Variants in GOLGA5 observed in about 807,000 individuals in gnomAD.
The protein encoded by GOLGA5 is golgin subfamily A member 5.
A neutral mutation model predicts 93.5 loss-of-function variants in GOLGA5; 50 were observed. The ratio of observed to expected loss-of-function variants is 0.53; its 90% CI spans 0.43 to 0.68. The LOEUF (loss-of-function observed/expected upper bound fraction) is 0.68. Among genes scored for constraint, GOLGA5 ranks in the 30% least tolerant of loss-of-function variants. The pLI is 0.00. For missense variants in GOLGA5, 760 were observed against 856.4 expected, an observed-to-expected ratio of 0.89 and a Z score of 1.40; for synonymous variants, 312 against 304.5, an observed-to-expected ratio of 1.02 and a Z score of -0.26.
intron 7 of GOLGA5, among the ~76,000 whole-genome samples, chr14:92,817,820 G>C (rs1173778847): frequency 1.3e-5 from 2 of 152,190 alleles, no homozygotes; most frequent in Admixed American, 6.5e-5. Context: ...CTTAACAGAT[G>C]CTGCTTCCAC....
rs186624279 is a variant in GOLGA5 at position 92,824,108 on chromosome 14, A to G, written c.1621-438A>G. ...TTTCTTTGTCTCATGTACTTTGCCT[A>G]TTTTTAAAATGTTCCTGGTTTGTGT... is the stretch of plus-strand genomic sequence containing the variant. On this transcript the variant is annotated intron_variant, in intron 8 of 12. Coordinates refer to ENST00000163416, the MANE Select transcript of GOLGA5 (RefSeq NM_005113.4). Among the ~76,000 whole-genome samples, 8 of 152,034 alleles carry G rather than the reference A, an allele frequency of 5.3e-5. No homozygotes were observed. In the East Asian group the frequency reaches 9.7e-4, roughly 18 times the overall value.
At chr14:92,831,600 C>T (rs1014622504) in intron 9 of GOLGA5, among the ~76,000 whole-genome samples, 4 of 152,004 alleles carry the variant, frequency 2.6e-5, no homozygotes, top group East Asian at 1.9e-4. Flanking sequence ...TGTCACAGTT[C>T]GTTTTTTGCT....
In GOLGA5 at chr14:92,839,598, C is replaced by T; in HGVS notation, c.*152C>T. 1 of 603,326 alleles carries T rather than the reference C, an allele frequency of 1.7e-6. No individual in the cohort carries two copies. Among genetic ancestry groups the T allele is most frequent in the Admixed American group, 3.0e-5 (1 of 33,864 alleles). 37.4% of individuals were successfully genotyped at this position (603,326 alleles called of 1,614,324 possible). A position where few individuals can be genotyped will look rare whatever the true frequency, so the allele number is the denominator to read the frequency against. Reference sequence around the variant, plus strand: ...TTAAGTTATTGTACAAGTATTCTACCTAAATCTTCCAATTTCCTTTAAATG... The same window carrying T: ...TTAAGTTATTGTACAAGTATTCTACTTAAATCTTCCAATTTCCTTTAAATG... On this transcript the variant is annotated 3_prime_UTR_variant, in exon 13 of 13. Transcript: ENST00000163416.
chr14:92,839,328 T>G (rs754389658), intron 12 of GOLGA5, 38 bp from the exon 13 acceptor site: 1 of 1,438,912 alleles, frequency 6.9e-7, no homozygotes, highest in South Asian at 1.1e-5. Context: ...AAAAATTGGT[T>G]TATTGGCTAA....
chr14:92,826,531 A>G (rs1361182591), intron 9 of GOLGA5, among the ~76,000 whole-genome samples: 1 of 151,982 alleles, frequency 6.6e-6, no homozygotes, highest in Non-Finnish European at 1.5e-5. Flanking sequence ...CCCTGTCTCT[A>G]TTGAAAATAC....
intron 9 of GOLGA5, among the ~76,000 whole-genome samples, chr14:92,827,046 C>T (rs2140331543): frequency 6.6e-6 from 1 of 152,290 alleles, no homozygotes; most frequent in East Asian, 1.9e-4. Context: ...TTTACTTTCT[C>T]TCTCTGTATA....
At chr14:92,796,239 T>C (rs1003452594) in intron 1 of GOLGA5, among the ~76,000 whole-genome samples, 7 of 152,256 alleles carry the variant, frequency 4.6e-5, no homozygotes, top group African/African-American at 1.7e-4. Context: ...GTGAATTTTA[T>C]TTTTATTTGG....
intron 9 of GOLGA5, among the ~76,000 whole-genome samples, chr14:92,825,855 C>CAAAAAAA (rs35982767): frequency 6.0e-5 from 7 of 117,090 alleles, no homozygotes; most frequent in Admixed American, 9.5e-5. Context: ...GACCCTGTCT[C>CAAAAAAA]AAAAAAAAAA....
chr14:92,812,524 A>G (rs1408033989), intron 6 of GOLGA5, among the ~76,000 whole-genome samples: 2 of 152,208 alleles, frequency 1.3e-5, no homozygotes, highest in African/African-American at 2.4e-5. Context: ...GCTTACCAGA[A>G]TTGTGTACGT....
At chr14:92,826,290 CAAA>C (rs10713083) in intron 9 of GOLGA5, among the ~76,000 whole-genome samples, 4 of 135,688 alleles carry the variant, frequency 2.9e-5, no homozygotes, top group Non-Finnish European at 3.2e-5. Context: ...AATACATTGC[CAAA>C]AAAAAAAAAA....
At chr14:92,830,182 G>A (rs1261641688) in intron 9 of GOLGA5, among the ~76,000 whole-genome samples, 1 of 152,134 alleles carries the variant, frequency 6.6e-6, no homozygotes, top group Non-Finnish European at 1.5e-5. Context: ...GCCGAGCATG[G>A]TTGCAGGTAC....
At chr14:92,800,021 A>G (rs1275460866) in intron 2 of GOLGA5, among the ~76,000 whole-genome samples, 1 of 152,252 alleles carries the variant, frequency 6.6e-6, no homozygotes, top group Non-Finnish European at 1.5e-5. Context: ...TTTTCAAGAC[A>G]AAAACTTGTA....
At chr14:92,811,434 C>T (rs1053996972) in intron 5 of GOLGA5, 117 bp from the exon 6 acceptor site, 1 of 710,948 alleles carries the variant, frequency 1.4e-6, no homozygotes, top group African/African-American at 1.8e-5. Flanking sequence ...TTTTTCCCAT[C>T]CCTACTATGT....
intron 1 of GOLGA5, among the ~76,000 whole-genome samples, chr14:92,795,324 A>T (rs923897264): frequency 6.6e-6 from 1 of 152,246 alleles, no homozygotes; most frequent in Non-Finnish European, 1.5e-5. Flanking sequence ...GGCATTTAAT[A>T]GTCACATGTG....
chr14:92,811,372 G>T (rs1317711207), intron 5 of GOLGA5, among the ~76,000 whole-genome samples, 179 bp from the exon 6 acceptor site: 1 of 152,134 alleles, frequency 6.6e-6, no homozygotes, highest in Non-Finnish European at 1.5e-5. Context: ...TGCCATGTTT[G>T]GGAGTTACAA....
chr14:92,830,703 G>A lies in GOLGA5; in HGVS notation c.1720-2419G>A, dbSNP rs536756627. Among the ~76,000 whole-genome samples, 14 of 152,104 alleles carry A rather than the reference G, an allele frequency of 9.2e-5. No individual in the cohort carries two copies. In the East Asian group the frequency reaches 2.7e-3, roughly 29 times the overall value. ...CAGCCTTGACCTCCCAGGCTCTAGT[G>A]GTCCTCCCACCTCAGCCCCCCAAGT... On this transcript the variant is annotated intron_variant, in intron 9 of 12. Coordinates refer to ENST00000163416, the MANE Select transcript of GOLGA5 (RefSeq NM_005113.4).
Position 92,799,527 on chromosome 14 carries a change from G to A in GOLGA5, c.544+1546G>A, listed in dbSNP as rs549262839. The stretch of plus-strand genomic sequence containing the variant: ...TCTTGATCTCCTGACCTTGTGATCC[G>A]CCCGCCTCGGCCTCCCAAAGTGCTG... On this transcript the variant is annotated intron_variant, in intron 2 of 12. Transcript: ENST00000163416. Among the ~76,000 whole-genome samples the A allele has an allele frequency of 1.6e-3, 237 of 148,348 alleles. 1 individual carries two copies. Among genetic ancestry groups the A allele is most frequent in the African/African-American group, 5.6e-3 (224 of 40,148 alleles).
rs760030435 is a variant in GOLGA5, at chr14:92,797,927, A to G, written c.490A>G (p.Ser164Gly). 6.2e-7 allele frequency: 1 copy of G among 1,605,572 alleles called. No individual in the cohort carries two copies. The highest frequency in any genetic ancestry group is 8.5e-7 in the Non-Finnish European group (1 of 1,177,760). Residue 164 changes from serine to glycine, a missense_variant, in exon 2 of 13, where the codon AGT becomes GGT. Transcript: ENST00000163416. ...QTSSVSSVNP[S>G]VTTIKTIEEN... The stretch of plus-strand genomic sequence containing the variant: ...ATCAAGTGTCAGTTCTGTGAACCCC[A>G]GTGTAACCACCATCAAAACCATTGA...
chr14:92,838,492 C>T (rs969313979), intron 12 of GOLGA5, among the ~76,000 whole-genome samples: 4 of 152,040 alleles, frequency 2.6e-5, no homozygotes, highest in Admixed American at 6.6e-5. Context: ...CTCAGCCTGC[C>T]GAGTACCTGG....
Sources: gnomAD v4.1 joint callset for allele counts (sites outside exome capture counted in the v4.1 genomes callset) on GRCh38, gnomAD v4.1.1 for gene constraint, MANE v1.5 for transcripts, NCBI Gene and HGNC (gene_info 2026-07-23, HGNC 2026-07-21) for gene names.